RTN3: variants seen among roughly 807,000 people sequenced by gnomAD.
RTN3 encodes the protein reticulon 3, also known as reticulon-3.
A neutral mutation model predicts 77.8 loss-of-function variants in RTN3; 49 were observed. The observed-to-expected ratio is 0.63, with a 90% CI of 0.50 to 0.80. The LOEUF is 0.80. Ranked by LOEUF, RTN3 falls within the 30% of genes least tolerant of loss-of-function variation. The pLI is 0.00. For synonymous variants in RTN3, 464 were observed against 446.9 expected, an observed-to-expected ratio of 1.04 and a Z score of -0.48; for missense variants, 1,236 against 1,211.9, an observed-to-expected ratio of 1.02 and a Z score of -0.29.
chr11:63,719,143 C>T lies in RTN3; in HGVS notation c.641C>T (p.Pro214Leu). The T allele has an allele frequency of 1.9e-6, 3 of 1,614,162 alleles. No homozygotes were observed. Among genetic ancestry groups the T allele is most frequent in the Middle Eastern group, 1.6e-4 (1 of 6,062 alleles). ...ACTTTGCTGACAGCCCAGAAACCAC[C>T]TACTGAGTACTCTAAGGTAGAAGGC... is the stretch of plus-strand genomic sequence containing the variant. ...RFTLLTAQKP[P>L]TEYSKVEGIY... Residue 214 changes from proline (P) to leucine (L), a missense_variant, in exon 3 of 9, where the codon CCT becomes CTT. Physicochemically the swap from Pro to Leu is moderately conservative, Grantham distance 98. Coordinates refer to ENST00000377819, the MANE Select transcript of RTN3 (RefSeq NM_001265589.2).
chr11:63,688,116 CAG>C (rs1370477136), intron 1 of RTN3, among the ~76,000 whole-genome samples: 1 of 152,006 alleles, frequency 6.6e-6, no homozygotes, highest in Non-Finnish European at 1.5e-5. Flanking sequence ...CCTTTCAGCA[CAG>C]AGGCAAGCAT....
chr11:63,736,334 G>C (rs1241501237), intron 3 of RTN3, among the ~76,000 whole-genome samples: 1 of 152,194 alleles, frequency 6.6e-6, no homozygotes, highest in Non-Finnish European at 1.5e-5. Flanking sequence ...GCATCCGCAG[G>C]TTCTGCATCC....
chr11:63,742,647 C>A (rs756470532), intron 3 of RTN3, among the ~76,000 whole-genome samples: 97 of 151,662 alleles, frequency 6.4e-4, no homozygotes, highest in South Asian at 1.7e-3. Flanking sequence ...CTCCATCACA[C>A]ACAAAAAAAA....
At chr11:63,730,788 C>T (rs1483090925) in intron 3 of RTN3, among the ~76,000 whole-genome samples, 1 of 152,072 alleles carries the variant, frequency 6.6e-6, no homozygotes, top group Non-Finnish European at 1.5e-5. Context: ...CACTGCACTC[C>T]AGCCTGGTGA....
At chr11:63,724,047 G>T (rs1346164991) in intron 3 of RTN3, among the ~76,000 whole-genome samples, 1 of 152,100 alleles carries the variant, frequency 6.6e-6, no homozygotes, top group Non-Finnish European at 1.5e-5. Context: ...ATCCAGATTG[G>T]CAGGATGCAA....
At chr11:63,739,367 C>T (rs899286261) in intron 3 of RTN3, among the ~76,000 whole-genome samples, 7 of 152,054 alleles carry the variant, frequency 4.6e-5, no homozygotes, top group African/African-American at 1.7e-4. Flanking sequence ...TTTCCAGTAC[C>T]TTTTGAACTA....
intron 3 of RTN3, among the ~76,000 whole-genome samples, chr11:63,729,251 T>C (rs1452885483): frequency 6.6e-6 from 1 of 151,982 alleles, no homozygotes; most frequent in African/African-American, 2.4e-5. Context: ...TGAAGAGAAT[T>C]GGAAGTGGTA....
intron 2 of RTN3, among the ~76,000 whole-genome samples, chr11:63,718,017 A>G (rs1439512145): frequency 8.7e-6 from 1 of 115,582 alleles, no homozygotes; most frequent in East Asian, 2.0e-4. Flanking sequence ...CTCCGTATCA[A>G]AAAAAAAAAA....
chr11:63,725,744 G>A (rs181591742), intron 3 of RTN3, among the ~76,000 whole-genome samples: 6 of 152,252 alleles, frequency 3.9e-5, no homozygotes, highest in Admixed American at 1.3e-4. Flanking sequence ...GAGCCACCGC[G>A]CCCGGCCTTA....
chr11:63,694,647 G>A (rs931708258), intron 1 of RTN3, among the ~76,000 whole-genome samples: 2 of 151,532 alleles, frequency 1.3e-5, no homozygotes, highest in Admixed American at 6.6e-5. Context: ...TTCTAGAGAC[G>A]AGGTTTCACC....
At chr11:63,687,894 T>C (rs1013608926) in intron 1 of RTN3, among the ~76,000 whole-genome samples, 1 of 152,142 alleles carries the variant, frequency 6.6e-6, no homozygotes, top group Non-Finnish European at 1.5e-5. Flanking sequence ...TTGTTATGCC[T>C]TTTTTCCCTT....
rs183550934 is a variant in RTN3, at chr11:63,713,228, A to G, written c.200-5474A>G. On this transcript the variant is annotated intron_variant, in intron 2 of 8. Coordinates refer to ENST00000377819, the MANE Select transcript of RTN3 (RefSeq NM_001265589.2). ...GTATTTAGAGTTTAAGAAGATGAGT[A>G]ATCATGGAGCTGAGTACTTGATAAG... is the stretch of plus-strand genomic sequence containing the variant. Among the ~76,000 whole-genome samples the G allele has an allele frequency of 5.8e-4, 88 of 152,358 alleles. No homozygotes were observed. The East Asian group carries it at 0.013, about 23-fold the overall frequency.
intron 1 of RTN3, among the ~76,000 whole-genome samples, chr11:63,700,344 C>T (rs1026135376): frequency 7.1e-6 from 1 of 140,876 alleles, no homozygotes; most frequent in African/African-American, 2.7e-5. Flanking sequence ...GGTGTGATCA[C>T]GGTTCACTGC....
chr11:63,693,324 A>G (rs1449544653), intron 1 of RTN3, among the ~76,000 whole-genome samples: 1 of 152,096 alleles, frequency 6.6e-6, no homozygotes, highest in African/African-American at 2.4e-5. Context: ...TCTCTACTAA[A>G]AATACAAAAT....
intron 3 of RTN3, chr11:63,747,138 CA>C: frequency 2.5e-6 from 1 of 404,144 alleles, no homozygotes; most frequent in Non-Finnish European, 5.1e-6. Flanking sequence ...TGATTAGATG[CA>C]GGTTACATGT....
At chr11:63,749,613 A>G (rs2013993944) in intron 3 of RTN3, among the ~76,000 whole-genome samples, 1 of 152,222 alleles carries the variant, frequency 6.6e-6, no homozygotes, top group African/African-American at 2.4e-5. Flanking sequence ...GTGTATTTCC[A>G]TAGCTGAAAT....
At chr11:63,742,577 G>A (rs1218586111) in intron 3 of RTN3, among the ~76,000 whole-genome samples, 9 of 151,908 alleles carry the variant, frequency 5.9e-5, no homozygotes, top group East Asian at 2.0e-4. Context: ...ACCTGGATGC[G>A]GAGGTTGCAT....
chr11:63,724,148 C>T (rs1296483194), intron 3 of RTN3, among the ~76,000 whole-genome samples: 1 of 151,238 alleles, frequency 6.6e-6, no homozygotes, highest in Non-Finnish European at 1.5e-5. Flanking sequence ...CTAGAACTGC[C>T]CTAGCAATCT....
intron 2 of RTN3, among the ~76,000 whole-genome samples, chr11:63,706,338 T>C (rs1209531734): frequency 6.6e-6 from 1 of 152,130 alleles, no homozygotes; most frequent in Non-Finnish European, 1.5e-5. Context: ...TACAGGCACA[T>C]GCCACCATGC....
Sources: gnomAD v4.1 joint callset for allele counts (sites outside exome capture counted in the v4.1 genomes callset) on GRCh38, gnomAD v4.1.1 for gene constraint, MANE v1.5 for transcripts, NCBI Gene and HGNC (gene_info 2026-07-23, HGNC 2026-07-21) for gene names.